TTLL11: variants seen among roughly 807,000 people sequenced by gnomAD.
TTLL11 encodes tubulin polyglutamylase TTLL11.
TTLL11 carries 42 observed loss-of-function variants against 51.7 expected under a neutral mutation model. The observed-to-expected ratio is 0.81, with a 90% confidence interval of 0.64 to 1.05. TTLL11 has a LOEUF of 1.05. Among genes scored for constraint, TTLL11 ranks in the 50% least tolerant of loss-of-function variants. The probability of loss-of-function intolerance (pLI) is 0.00; values close to 1 mark genes in which losing one functional copy is unlikely to be tolerated. For missense variants in TTLL11, 799 were observed against 940.4 expected, an observed-to-expected ratio of 0.85 and a Z score of 1.97; for synonymous variants, 381 against 383.5, an observed-to-expected ratio of 0.99 and a Z score of 0.08.
chr9:121,850,011 T>C (rs1837621620), intron 8 of TTLL11, among the ~76,000 whole-genome samples: 1 of 152,208 alleles, frequency 6.6e-6, no homozygotes, highest in Admixed American at 6.5e-5. Flanking sequence ...ATGTAAATGT[T>C]ATGTAACTGT....
intron 6 of TTLL11, among the ~76,000 whole-genome samples, chr9:121,968,818 C>T (rs1297571067): frequency 6.8e-6 from 1 of 147,894 alleles, no homozygotes; most frequent in Non-Finnish European, 1.5e-5. Flanking sequence ...GAGTGGTAAA[C>T]TCAGCATTAT....
At chr9:122,056,778 C>A (rs952895837) in intron 1 of TTLL11, among the ~76,000 whole-genome samples, 1 of 152,216 alleles carries the variant, frequency 6.6e-6, no homozygotes, top group Non-Finnish European at 1.5e-5. Flanking sequence ...CTATGTCAAG[C>A]CTCACCTCCT....
chr9:121,908,082 G>A (rs1452167250), intron 6 of TTLL11, among the ~76,000 whole-genome samples: 4 of 152,154 alleles, frequency 2.6e-5, no homozygotes, highest in African/African-American at 7.2e-5. Flanking sequence ...ATGTGGGTTC[G>A]ACACTGATGT....
intron 8 of TTLL11, among the ~76,000 whole-genome samples, chr9:121,823,500 C>T (rs1307324611): frequency 1.3e-5 from 2 of 152,264 alleles, no homozygotes; most frequent in East Asian, 1.9e-4. Flanking sequence ...GAGCTGAGAT[C>T]GTGTCACTGT....
Position 122,024,896 on chromosome 9 carries a change from G to A in TTLL11, c.693+6827C>T, listed in dbSNP as rs955773095. ...TAAATTCCTATATATGACACAAAAA[G>A]CATGATCTATTAAAAAATTGATAAA... On this transcript the variant is annotated intron_variant, in intron 3 of 8. Transcript: ENST00000321582. Among the ~76,000 whole-genome samples the A allele has an allele frequency of 5.9e-5, 4 of 67,562 alleles. 1 individual carries two copies. Among genetic ancestry groups the A allele is most frequent in the Admixed American group, 4.1e-4 (2 of 4,866 alleles). 44.3% of individuals were successfully genotyped at this position (67,562 alleles called of 152,430 possible).
chr9:121,941,325 T>TGAG (rs1841456763), intron 6 of TTLL11, among the ~76,000 whole-genome samples: 1 of 152,220 alleles, frequency 6.6e-6, no homozygotes, highest in Non-Finnish European at 1.5e-5. Context: ...CTCTTGGGCT[T>TGAG]TCCACTGGTG....
chr9:121,908,439 A>C (rs1266643474), intron 6 of TTLL11, among the ~76,000 whole-genome samples: 1 of 152,220 alleles, frequency 6.6e-6, no homozygotes, highest in African/African-American at 2.4e-5. Flanking sequence ...TCCAGGTTAG[A>C]AGGCTGCCAG....
intron 8 of TTLL11, among the ~76,000 whole-genome samples, chr9:121,823,159 C>T (rs1836636262): frequency 6.6e-6 from 1 of 152,224 alleles, no homozygotes; most frequent in Non-Finnish European, 1.5e-5. Flanking sequence ...GAAGTTGAGT[C>T]TCAGAGACAC....
chr9:121,818,027 T>TC lies in TTLL11; in HGVS notation c.*4559dup, dbSNP rs1271257280. 6.6e-6 allele frequency: 1 copy of TC among 152,270 alleles called. No homozygotes were observed. The highest frequency in any genetic ancestry group is 1.5e-5 in the Non-Finnish European group (1 of 68,132). The allele number at this position is 152,270 out of a possible 1,614,324, so 9.4% of individuals were successfully genotyped here. A position where few individuals can be genotyped will look rare whatever the true frequency, so the allele number is the denominator to read the frequency against. On this transcript the variant is annotated 3_prime_UTR_variant, in exon 9 of 9. Transcript: ENST00000321582. ...CTGGGCTCCTATCCTCCCACTCCATTCCCCTGACTACCTACATGCACATCC... is the reference window on the plus strand; with the variant it reads ...CTGGGCTCCTATCCTCCCACTCCATTCCCCCTGACTACCTACATGCACATCC...
At chr9:121,984,774 G>A (rs1842905830) in intron 4 of TTLL11, among the ~76,000 whole-genome samples, 1 of 152,218 alleles carries the variant, frequency 6.6e-6, no homozygotes. Context: ...AGAAGATACA[G>A]ACCAAGCAAT....
At chr9:121,882,033 C>A (rs1838816758) in intron 6 of TTLL11, among the ~76,000 whole-genome samples, 3 of 152,166 alleles carry the variant, frequency 2.0e-5, no homozygotes. Context: ...TATGTCGCAG[C>A]ATTGTTGTGA....
chr9:122,047,989 G>T (rs2131842084), intron 1 of TTLL11, among the ~76,000 whole-genome samples: 1 of 152,054 alleles, frequency 6.6e-6, no homozygotes, highest in Admixed American at 6.5e-5. Flanking sequence ...CAAGCCCTCT[G>T]GCTGATCTCT....
At chr9:121,993,523 C>A (rs377641170) in intron 3 of TTLL11, among the ~76,000 whole-genome samples, 33 of 152,328 alleles carry the variant, frequency 2.2e-4, no homozygotes, top group African/African-American at 6.0e-4. Flanking sequence ...CGCCAGCGAG[C>A]AAATGCTGAA....
intron 3 of TTLL11, among the ~76,000 whole-genome samples, chr9:122,024,043 T>A (rs1384519154): frequency 6.6e-6 from 1 of 152,082 alleles, no homozygotes; most frequent in Non-Finnish European, 1.5e-5. Context: ...ATAGTCCATA[T>A]AGAAAATCCA....
At chr9:122,040,648 T>C (rs1564371104) in intron 1 of TTLL11, among the ~76,000 whole-genome samples, 1 of 151,898 alleles carries the variant, frequency 6.6e-6, no homozygotes, top group Non-Finnish European at 1.5e-5. Context: ...GGGGCCAAGG[T>C]CCAATGGAAG....
At chr9:122,070,648 G>A (rs1430535821) in intron 1 of TTLL11, among the ~76,000 whole-genome samples, 1 of 152,190 alleles carries the variant, frequency 6.6e-6, no homozygotes, top group Non-Finnish European at 1.5e-5. Flanking sequence ...GAGTGTCTCT[G>A]AGGGGACAGA....
chr9:121,913,479 T>C (rs1348290263), intron 6 of TTLL11, among the ~76,000 whole-genome samples: 2 of 152,210 alleles, frequency 1.3e-5, no homozygotes, highest in Admixed American at 6.5e-5. Flanking sequence ...TCTTAGAAAA[T>C]ACAAGCAAAT....
At chr9:121,942,731 C>T (rs1245892939) in intron 6 of TTLL11, among the ~76,000 whole-genome samples, 1 of 142,392 alleles carries the variant, frequency 7.0e-6, no homozygotes, top group African/African-American at 2.7e-5. Context: ...CGTTTCTAAT[C>T]TGTCTTATTT....
chr9:121,913,330 G>A lies in TTLL11; in HGVS notation c.1482-42582C>T, dbSNP rs369835656. 1.5e-4 allele frequency among the ~76,000 whole-genome samples: 23 copies of A among 152,092 alleles called. No individual in the cohort carries two copies. In the East Asian group the frequency reaches 1.7e-3, roughly 12 times the overall value. On this transcript the variant is annotated intron_variant, in intron 6 of 8. Coordinates refer to ENST00000321582, the MANE Select transcript of TTLL11 (RefSeq NM_001139442.2). ...CGCTAATTATTTCTTTAAAATGTGC[G>A]GATCTGTCCATTGGCAAAAAGAAGA...
Sources: allele counts gnomAD v4.1 joint callset (sites outside exome capture counted in the v4.1 genomes callset), GRCh38; gene constraint gnomAD v4.1.1; transcripts MANE v1.5; gene names NCBI Gene and HGNC (gene_info 2026-07-23, HGNC 2026-07-21).